Variants in ENTPD1 observed in about 807,000 individuals in gnomAD.
ENTPD1 encodes the protein ATP diphosphohydrolase.
A neutral mutation model predicts 57.0 loss-of-function variants in ENTPD1; 33 were observed. The ratio of observed to expected loss-of-function variants is 0.58; its 90% CI spans 0.44 to 0.77. ENTPD1 has a LOEUF of 0.77. ENTPD1 is among the 30% of genes least tolerant of loss of function. The probability of loss-of-function intolerance (pLI) is 0.00; values close to 1 mark genes in which losing one functional copy is unlikely to be tolerated. For synonymous variants in ENTPD1, 202 were observed against 218.8 expected (o/e 0.92, Z 0.68); for missense variants, 501 against 603.4 (o/e 0.83, Z 1.78).
intron 4 of ENTPD1, 140 bp from the exon 5 acceptor site, chr10:95,844,336 C>T (rs577058220): frequency 3.8e-5 from 45 of 1,177,184 alleles, no homozygotes; most frequent in East Asian, 9.4e-5. Context: ...CAGCTATGTG[C>T]GAAGATCCCC....
rs34195302 is a variant in ENTPD1 at position 95,727,673 on chromosome 10, C to G, written c.37+15680C>G. 2.6e-5 allele frequency among the ~76,000 whole-genome samples: 4 copies of G among 152,094 alleles called. No individual in the cohort carries two copies. In the South Asian group the frequency reaches 8.3e-4, roughly 32 times the overall value. ...AATGATATATGCTTGCATTACTTTT[C>G]TCATGGTTATTTACAACTAATTGTG... On this transcript the variant is annotated intron_variant, in intron 1 of 9. Coordinates refer to the ENTPD1 transcript ENST00000453258.
chr10:95,829,426 G>A (rs1164556902), intron 2 of ENTPD1, among the ~76,000 whole-genome samples: 1 of 152,234 alleles, frequency 6.6e-6, no homozygotes, highest in Non-Finnish European at 1.5e-5. Context: ...GTGTGTCAGA[G>A]GGGTCATGTG....
intron 2 of ENTPD1, among the ~76,000 whole-genome samples, chr10:95,824,225 T>C (rs1410076270): frequency 1.3e-5 from 2 of 152,252 alleles, no homozygotes; most frequent in African/African-American, 2.4e-5. Context: ...ACCAATATGC[T>C]AATATGCATG....
chr10:95,808,877 G>C (rs1015835494), intron 1 of ENTPD1, among the ~76,000 whole-genome samples: 1 of 152,106 alleles, frequency 6.6e-6, no homozygotes, highest in Non-Finnish European at 1.5e-5. Flanking sequence ...GCAGCCTTCC[G>C]CAGTGTTTGT....
At chr10:95,859,611 A>T (rs2098461768) in intron 7 of ENTPD1, among the ~76,000 whole-genome samples, 2 of 152,228 alleles carry the variant, frequency 1.3e-5, no homozygotes, top group African/African-American at 2.4e-5. Context: ...TGGGTAGGAA[A>T]GAGGAAAAGC....
At chr10:95,748,038 A>AT (rs1004984487) in intron 1 of ENTPD1, among the ~76,000 whole-genome samples, 2 of 151,548 alleles carry the variant, frequency 1.3e-5, no homozygotes, top group African/African-American at 4.8e-5. Context: ...TGCCCGGCTA[A>AT]TTTTTTTTGT....
At chr10:95,732,843 G>A (rs188816230) in intron 1 of ENTPD1, among the ~76,000 whole-genome samples, 1 of 152,240 alleles carries the variant, frequency 6.6e-6, no homozygotes, top group East Asian at 1.9e-4. Context: ...TATGAATAGG[G>A]TATGGGTCAC....
chr10:95,794,408 G>T (rs1020544070), intron 1 of ENTPD1, among the ~76,000 whole-genome samples: 1 of 152,172 alleles, frequency 6.6e-6, no homozygotes, highest in East Asian at 1.9e-4. Context: ...TGGATAAGCA[G>T]CAGACATGGT....
intron 1 of ENTPD1, among the ~76,000 whole-genome samples, chr10:95,734,880 TTTGTCA>T (rs2097992908): frequency 6.6e-6 from 1 of 152,336 alleles, no homozygotes; most frequent in Non-Finnish European, 1.5e-5. Context: ...CACAGACTCC[TTTGTCA>T]TTGTGCAGGC....
At chr10:95,719,279 G>T (rs960884961) in intron 1 of ENTPD1, among the ~76,000 whole-genome samples, 2 of 152,114 alleles carry the variant, frequency 1.3e-5, no homozygotes, top group Non-Finnish European at 2.9e-5. Flanking sequence ...GAAAAGTCTC[G>T]CTCCGTTGGC....
intron 1 of ENTPD1, among the ~76,000 whole-genome samples, chr10:95,740,365 T>C (rs1435050799): frequency 6.6e-6 from 1 of 152,232 alleles, no homozygotes; most frequent in Non-Finnish European, 1.5e-5. Context: ...CCTCAGGTGA[T>C]CTGCTTGCCT....
rs1168441496 is a variant in ENTPD1 at position 95,870,374 on chromosome 10, T to C, written c.*3991T>C. The C allele has an allele frequency of 1.2e-6, 1 of 865,372 alleles. No individual in the cohort carries two copies. The highest frequency in any genetic ancestry group is 1.4e-6 in the Non-Finnish European group (1 of 720,766). The allele number at this position is 865,372 out of a possible 1,614,324, so 53.6% of individuals were successfully genotyped here. On this transcript the variant is annotated 3_prime_UTR_variant, in exon 10 of 10. Coordinates refer to ENST00000371205, the MANE Select transcript of ENTPD1 (RefSeq NM_001776.6). ...ATCATGGCTCACTGCAGCCTCGACC[T>C]CCCAAGCTCAAGCAAGGCTACAGGT...
intron 1 of ENTPD1, among the ~76,000 whole-genome samples, chr10:95,774,447 G>A (rs2098126301): frequency 6.6e-6 from 1 of 152,058 alleles, no homozygotes; most frequent in Non-Finnish European, 1.5e-5. Context: ...TTTCTTCTAG[G>A]GTTTTCCTGG....
intron 1 of ENTPD1, among the ~76,000 whole-genome samples, chr10:95,800,055 A>G (rs2098242492): frequency 6.6e-6 from 1 of 152,066 alleles, no homozygotes; most frequent in African/African-American, 2.4e-5. Context: ...AAGTTGCAAA[A>G]ATTTTCTCCC....
chr10:95,800,980 G>GTA (rs2098247016), intron 1 of ENTPD1, among the ~76,000 whole-genome samples: 1 of 152,172 alleles, frequency 6.6e-6, no homozygotes, highest in African/African-American at 2.4e-5. Context: ...AATTATAAGA[G>GTA]TATTGATTGG....
chr10:95,847,567 A>G lies in ENTPD1; in HGVS notation c.935A>G (p.Gln312Arg), dbSNP rs144175287. The change falls in exon 7 of 10, where the codon CAG (glutamine) becomes CGG (arginine). Residue 312 changes from glutamine to arginine, a missense_variant. Physicochemically the swap from Gln to Arg is conservative, Grantham distance 43. Coordinates refer to ENST00000371205, the MANE Select transcript of ENTPD1 (RefSeq NM_001776.6). ...TKRFEMTLPF[Q>R]QFEIQGIGNY... ...AGATTTGAGATGACTCTTCCATTCC[A>G]GCAGTTTGAAATCCAGGGTATTGGA... The G allele has an allele frequency of 6.2e-7, 1 of 1,614,210 alleles. No homozygotes were observed. Among genetic ancestry groups the G allele is most frequent in the African/African-American group, 1.3e-5 (1 of 75,056 alleles).
At chr10:95,701,464 G>A in the ENTPD1 span, among the ~76,000 whole-genome samples, 1 of 152,128 alleles carries the variant, frequency 6.6e-6, no homozygotes, top group East Asian at 1.9e-4. Context: ...GGAAAGAGTA[G>A]ACTAGGTAAA....
Position 95,869,196 on chromosome 10 carries a change from T to C in ENTPD1, c.*2813T>C. On this transcript the variant is annotated 3_prime_UTR_variant, in exon 10 of 10. Transcript: ENST00000371205. ...TTCCTTTATAAGGTGGGAGTTTTTT[T>C]TCTATGAACCTATAGGGGAGAAAAA... The C allele has an allele frequency of 2.0e-6, 2 of 985,110 alleles. No homozygotes were observed. The highest frequency in any genetic ancestry group is 2.4e-6 in the Non-Finnish European group (2 of 829,830). 61.0% of individuals were successfully genotyped at this position (985,110 alleles called of 1,614,324 possible).
intron 1 of ENTPD1, among the ~76,000 whole-genome samples, chr10:95,719,479 C>T (rs550454808): frequency 2.0e-5 from 3 of 152,186 alleles, no homozygotes; most frequent in African/African-American, 7.2e-5. Flanking sequence ...AAGGAACCCT[C>T]GTAGTTGCTT....
Sources: gnomAD v4.1 joint callset for allele counts (sites outside exome capture counted in the v4.1 genomes callset) on GRCh38, gnomAD v4.1.1 for gene constraint, MANE v1.5 for transcripts, NCBI Gene and HGNC (gene_info 2026-07-23, HGNC 2026-07-21) for gene names.